Variants in DDI2 observed in about 807,000 individuals in gnomAD.
DDI2 encodes DDI proteasomal shuttling factor 2, also known as protein DDI1 homolog 2.
In DDI2, 5 loss-of-function variants were observed where a neutral mutation model predicts 48.1. The ratio of observed to expected loss-of-function variants is 0.10; its 90% CI spans 0.05 to 0.22. The LOEUF is 0.22. Among genes scored for constraint, DDI2 ranks in the 10% least tolerant of loss-of-function variants. The pLI is 1.00. For synonymous variants in DDI2, 205 were observed against 183.6 expected, an observed-to-expected ratio of 1.12 and a Z score of -0.94; for missense variants, 285 against 506.2, an observed-to-expected ratio of 0.56 and a Z score of 4.19.
chr1:15,657,445 C>T (rs1303824801), intron 9 of DDI2, among the ~76,000 whole-genome samples: 2 of 152,190 alleles, frequency 1.3e-5, no homozygotes, highest in East Asian at 1.9e-4. Flanking sequence ...TAAAAGCAGG[C>T]ATAGTTGAAT....
intron 8 of DDI2, 126 bp from the exon 9 acceptor site, chr1:15,656,491 C>A (rs1640275447): frequency 1.3e-6 from 2 of 1,585,720 alleles, no homozygotes; most frequent in African/African-American, 2.7e-5. Flanking sequence ...ACAGAAACAT[C>A]CCTCAACTTG....
chr1:15,626,530 T>G, intron 1 of DDI2, 139 bp from the exon 2 acceptor site: 2 of 1,227,002 alleles, frequency 1.6e-6, no homozygotes, highest in Non-Finnish European at 2.2e-6. Context: ...GACTGTGGGT[T>G]TTGTTCTGGA....
At chr1:15,644,795 G>A (rs1446510935) in intron 6 of DDI2, among the ~76,000 whole-genome samples, 17 of 151,720 alleles carry the variant, frequency 1.1e-4, no homozygotes, top group East Asian at 7.8e-4. Flanking sequence ...GGGTTTCACC[G>A]TGTTAGCCAG....
rs1225353155 is a variant in DDI2 at position 15,659,951 on chromosome 1, G to A, written c.*161G>A. ...AGTCCTGATGTTGGTAATCCTATGA[G>A]TCTTGCTCGCTCTGTCTCTGCTTCA... On this transcript the variant is annotated 3_prime_UTR_variant, in exon 10 of 10. Transcript: ENST00000480945. The A allele has an allele frequency of 1.2e-6, 2 of 1,614,008 alleles. No individual in the cohort carries two copies. Among genetic ancestry groups the A allele is most frequent in the East Asian group, 4.5e-5 (2 of 44,884 alleles).
chr1:15,660,872 G>A lies in DDI2; in HGVS notation c.*1082G>A. The A allele has an allele frequency of 1.2e-6, 2 of 1,614,164 alleles. No homozygotes were observed. Among genetic ancestry groups the A allele is most frequent in the Non-Finnish European group, 1.7e-6 (2 of 1,180,030 alleles). On this transcript the variant is annotated 3_prime_UTR_variant, in exon 10 of 10. Transcript: ENST00000480945. ...GGCCATTACTCCTCTCCAAGTCTCT[G>A]TGGCAGTTGTCAGCCTTCTGTGGAG...
intron 2 of DDI2, among the ~76,000 whole-genome samples, chr1:15,628,542 T>C (rs1639792674): frequency 6.6e-6 from 1 of 152,236 alleles, no homozygotes; most frequent in Admixed American, 6.5e-5. Flanking sequence ...TAGTGTACTG[T>C]CATTTATAAC....
chr1:15,637,652 G>A (rs1238013048), intron 4 of DDI2, among the ~76,000 whole-genome samples: 1 of 152,248 alleles, frequency 6.6e-6, no homozygotes, highest in African/African-American at 2.4e-5. Flanking sequence ...ACAGGCGTGA[G>A]CCACCGTGTG....
chr1:15,631,761 T>G (rs983683983), intron 3 of DDI2, among the ~76,000 whole-genome samples: 1 of 152,178 alleles, frequency 6.6e-6, no homozygotes, highest in African/African-American at 2.4e-5. Context: ...ATTTTTAAAC[T>G]TCATGTATAT....
At chr1:15,640,917 T>C (rs1639997045) in intron 5 of DDI2, among the ~76,000 whole-genome samples, 1 of 152,130 alleles carries the variant, frequency 6.6e-6, no homozygotes, top group South Asian at 2.1e-4. Flanking sequence ...AGCTAGATCT[T>C]GAAGCATCGG....
chr1:15,645,274 C>T (rs958959470), intron 6 of DDI2, among the ~76,000 whole-genome samples: 1 of 152,172 alleles, frequency 6.6e-6, no homozygotes, highest in Admixed American at 6.6e-5. Flanking sequence ...GGGTGTGGAT[C>T]TCTTCTCATA....
At chr1:15,656,454 C>A (rs978503939) in intron 8 of DDI2, 163 bp from the exon 9 acceptor site, 3 of 1,506,682 alleles carry the variant, frequency 2.0e-6, no homozygotes, top group Non-Finnish European at 2.7e-6. Flanking sequence ...ATGGAAGCAA[C>A]CAACAAATAT....
chr1:15,642,431 G>T (rs373135275), intron 5 of DDI2, among the ~76,000 whole-genome samples: 2 of 152,268 alleles, frequency 1.3e-5, no homozygotes, highest in South Asian at 2.1e-4. Context: ...CCAGTGTGGG[G>T]TTTTTGTTTT....
Position 15,620,713 on chromosome 1 carries a change from G to A in DDI2, c.138+2905G>A, listed in dbSNP as rs575805879. On this transcript the variant is annotated intron_variant, in intron 1 of 9. Coordinates refer to ENST00000480945, the MANE Select transcript of DDI2 (RefSeq NM_032341.5). ...ATATAATACATTATATACATGAACT[G>A]ATACGTTGTATACATTATATATGGC... is the stretch of plus-strand genomic sequence containing the variant. 2.0e-5 allele frequency among the ~76,000 whole-genome samples: 3 copies of A among 152,154 alleles called. No homozygotes were observed. The East Asian group carries it at 5.8e-4, about 29-fold the overall frequency.
rs997092419 is a variant in DDI2 at position 15,667,542 on chromosome 1, A to C, written c.*7752A>C. On this transcript the variant is annotated 3_prime_UTR_variant, in exon 10 of 10. Transcript: ENST00000480945. ...AGGGTTCTGCAGGATGTGCTATTTT[A>C]AAGCAGCTGGGTGCAACTTGTGAAA... The C allele has an allele frequency of 3.3e-5, 5 of 152,268 alleles. No individual in the cohort carries two copies. The allele number at this position is 152,268 out of a possible 1,614,324, so 9.4% of individuals were successfully genotyped here.
chr1:15,623,764 T>A (rs982677580), intron 1 of DDI2, among the ~76,000 whole-genome samples: 1 of 152,008 alleles, frequency 6.6e-6, no homozygotes, highest in African/African-American at 2.4e-5. Flanking sequence ...AAATTTTCTC[T>A]TATAAATAGT....
intron 8 of DDI2, among the ~76,000 whole-genome samples, chr1:15,652,178 A>G (rs910273807): frequency 1.4e-5 from 2 of 148,134 alleles, no homozygotes; most frequent in Non-Finnish European, 3.0e-5. Context: ...GGGCTCAAGC[A>G]GTCCTCTCAC....
At chr1:15,626,159 G>A (rs1282177000) in intron 1 of DDI2, among the ~76,000 whole-genome samples, 1 of 152,032 alleles carries the variant, frequency 6.6e-6, no homozygotes. Flanking sequence ...AAATATTTGA[G>A]CATCAGTTAT....
In DDI2 at chr1:15,661,799, C is replaced by A. The variant is rs1640387712; in HGVS notation, c.*2009C>A. 1.4e-6 allele frequency: 2 copies of A among 1,476,118 alleles called. No individual in the cohort carries two copies. Among genetic ancestry groups the A allele is most frequent in the African/African-American group, 1.4e-5 (1 of 70,724 alleles). The allele number at this position is 1,476,118 out of a possible 1,614,324, so 91.4% of individuals were successfully genotyped here. A position where few individuals can be genotyped will look rare whatever the true frequency, so the allele number is the denominator to read the frequency against. On this transcript the variant is annotated 3_prime_UTR_variant, in exon 10 of 10. Transcript: ENST00000480945. ...CTCTCTCTATATACACGCACACATA[C>A]ACACTCACCACATATACAGTATATA...
chr1:15,627,109 C>T (rs1020433810), intron 2 of DDI2: 1 of 262,154 alleles, frequency 3.8e-6, no homozygotes, highest in Non-Finnish European at 7.3e-6. Flanking sequence ...ATACAATAAT[C>T]TTTATCCTTG....
Sources: gnomAD v4.1 joint callset for allele counts (sites outside exome capture counted in the v4.1 genomes callset) on GRCh38, gnomAD v4.1.1 for gene constraint, MANE v1.5 for transcripts, NCBI Gene and HGNC (gene_info 2026-07-23, HGNC 2026-07-21) for gene names.